The following TNKS1BP1 variants were observed in gnomAD, a reference collection of about 807,000 sequenced individuals.
The protein encoded by TNKS1BP1 is CCR4-NOT transcription complex subunit 12, also known as 182 kDa tankyrase-1-binding protein.
In TNKS1BP1, 48 loss-of-function variants were observed where a neutral mutation model predicts 141.1. The ratio of observed to expected loss-of-function variants is 0.34; its 90% CI spans 0.27 to 0.43. The LOEUF (loss-of-function observed/expected upper bound fraction) is 0.43. Among genes scored for constraint, TNKS1BP1 ranks in the 20% least tolerant of loss-of-function variants. The pLI is 1.00. For missense variants in TNKS1BP1, 2,149 were observed against 2,226.0 expected (o/e 0.97, Z 0.70); for synonymous variants, 875 against 898.2 (o/e 0.97, Z 0.46).
chr11:57,310,788 T>C (rs1382922322), intron 5 of TNKS1BP1, among the ~76,000 whole-genome samples: 1 of 152,138 alleles, frequency 6.6e-6, no homozygotes, highest in African/African-American at 2.4e-5. Flanking sequence ...ATGAGATCAT[T>C]TAGACCAAGC....
At chr11:57,304,238 G>GT (rs1222295930) in intron 6 of TNKS1BP1, among the ~76,000 whole-genome samples, 1 of 152,148 alleles carries the variant, frequency 6.6e-6, no homozygotes, top group Non-Finnish European at 1.5e-5. Context: ...CAGGAGGAGA[G>GT]TGGGGCAGGT....
rs758234725 is a variant in TNKS1BP1 at position 57,312,868 on chromosome 11, G to T, written c.1820C>A (p.Thr607Asn). 2 of 1,608,680 alleles carry T rather than the reference G, an allele frequency of 1.2e-6. No homozygotes were observed. Among genetic ancestry groups the T allele is most frequent in the Non-Finnish European group, 8.5e-7 (1 of 1,176,872 alleles). The change falls in exon 5 of 12, where the codon ACC (threonine) becomes AAC (asparagine). Residue 607 changes from threonine to asparagine, a missense_variant. By Grantham distance (65) the Thr-to-Asn change is moderately conservative. Coordinates refer to ENST00000358252, the MANE Select transcript of TNKS1BP1 (RefSeq NM_033396.3). ...AGQESPLPLA[T>N]REAALPILEP... is the part of the protein sequence containing the mutation. Reference sequence around the variant, plus strand: ...CAGGATGGGCAAGGCTGCCTCCCTGGTAGCCAGGGGGAGAGGGGACTCCTG... The same window carrying T: ...CAGGATGGGCAAGGCTGCCTCCCTGTTAGCCAGGGGGAGAGGGGACTCCTG...
In TNKS1BP1 at chr11:57,302,779, G is replaced by A. The variant is rs574992277; in HGVS notation, c.4363C>T (p.Leu1455=). The A allele has an allele frequency of 9.6e-6, 15 of 1,560,160 alleles. No individual in the cohort carries two copies. The African/African-American group carries it at 2.0e-4, about 21-fold the overall frequency. ...ARPPPSGSQG[L]LEEMLAASSS... is the part of the protein sequence containing the mutation. ...CTGGCTGCCAGCATCTCCTCCAGCA[G>A]GCCCTGGGAGCCGGAGGGTGGGGGG... The change falls in exon 7 of 12, where the codon CTG becomes TTG. Residue 1455 remains leucine (L), a synonymous_variant. Coordinates refer to ENST00000358252, the MANE Select transcript of TNKS1BP1 (RefSeq NM_033396.3). This position sits in a 1 kb window ranked among gnomAD's most constrained non-coding sequence, Gnocchi z 5.5.
At chr11:57,322,340 C>CGG (rs929387656) in intron 1 of TNKS1BP1, 30 of 986,866 alleles carry the variant, frequency 3.0e-5, no homozygotes, top group Non-Finnish European at 3.5e-5. Context: ...AATCACCTCA[C>CGG]GGGAGACGGG....
intron 5 of TNKS1BP1, chr11:57,311,321 C>G (rs1855705783): frequency 2.0e-6 from 2 of 985,688 alleles, no homozygotes; most frequent in Non-Finnish European, 2.4e-6. Flanking sequence ...AGCAGCCGCT[C>G]CAGGATAGAC....
In TNKS1BP1 at chr11:57,312,902, A is replaced by C; in HGVS notation, c.1786T>G (p.Leu596Val). 6 of 1,609,596 alleles carry C rather than the reference A, an allele frequency of 3.7e-6. No homozygotes were observed. Among genetic ancestry groups the C allele is most frequent in the Non-Finnish European group, 5.1e-6 (6 of 1,177,244 alleles). The change falls in exon 5 of 12, where the codon TTG becomes GTG. Residue 596 changes from leucine to valine, a missense_variant. Physicochemically the swap from Leu to Val is conservative, Grantham distance 32. Transcript: ENST00000358252. The part of the protein sequence containing the change: ...AEERYESQEP[L>V]AGQESPLPLA... The stretch of plus-strand genomic sequence containing the variant: ...GGGAGAGGGGACTCCTGTCCAGCCA[A>C]GGGCTCCTGCGACTCGTATCTCTCC...
chr11:57,317,027 T>G (rs1402553845), intron 4 of TNKS1BP1, among the ~76,000 whole-genome samples: 1 of 152,218 alleles, frequency 6.6e-6, no homozygotes, highest in Non-Finnish European at 1.5e-5. Flanking sequence ...CCAATGCCTT[T>G]GTACTTGCTG....
chr11:57,303,018 G>T, intron 6 of TNKS1BP1, 193 bp from the exon 7 acceptor site: 1 of 616,006 alleles, frequency 1.6e-6, no homozygotes, highest in Non-Finnish European at 2.5e-6. Flanking sequence ...AGCCAGTCTG[G>T]CAGGTTCAAA....
At chr11:57,324,786 C>T (rs71484442) in intron 1 of TNKS1BP1, 54 bp downstream of exon 1, 40,231 of 985,216 alleles carry the variant, frequency 0.041, 869 homozygotes, top group Non-Finnish European at 0.044. Context: ...GCCCCTCCCC[C>T]GCCCCATCCC....
chr11:57,324,613 C>T (rs1029343639), intron 1 of TNKS1BP1, among the ~76,000 whole-genome samples: 1 of 150,224 alleles, frequency 6.7e-6, no homozygotes, highest in Non-Finnish European at 1.5e-5. Context: ...TCTGCCAGCA[C>T]GAGCTCCAAG....
rs762092652 is a variant in TNKS1BP1, at chr11:57,308,607, G to A, written c.4104C>T (p.Gly1368=). The change falls in exon 6 of 12, where the codon GGC becomes GGT. Residue 1368 remains glycine (G), a synonymous_variant. Transcript: ENST00000358252. The part of the protein sequence containing the change: ...APSEAREHGV[G]GVSQCPEPGL... The stretch of plus-strand genomic sequence containing the variant: ...CGGGCTCTGGGCACTGGCTCACCCC[G>A]CCCACCCCATGCTCCCTGGCTTCAC... 1.4e-5 allele frequency: 21 copies of A among 1,470,552 alleles called. No homozygotes were observed. Among genetic ancestry groups the A allele is most frequent in the African/African-American group, 8.4e-5 (6 of 71,088 alleles). 91.1% of individuals were successfully genotyped at this position (1,470,552 alleles called of 1,614,324 possible).
intron 4 of TNKS1BP1, among the ~76,000 whole-genome samples, 155 bp from the exon 5 acceptor site, chr11:57,314,044 C>A (rs1158786382): frequency 6.6e-6 from 1 of 152,136 alleles, no homozygotes; most frequent in African/African-American, 2.4e-5. Flanking sequence ...CTGGGAGGGG[C>A]CCCACAGACG....
rs1357284700 is a variant in TNKS1BP1, at chr11:57,320,555, C to T, written c.252G>A (p.Leu84=). Residue 84 remains leucine (L), a synonymous_variant, in exon 3 of 12, where the codon CTG becomes CTA. Transcript: ENST00000358252. ...TGCCACCATAGGGCTGGGGTCCTGCCAGCATGTTCATCTTCCTGGCAGAAG... is the reference window on the plus strand; with the variant it reads ...TGCCACCATAGGGCTGGGGTCCTGCTAGCATGTTCATCTTCCTGGCAGAAG... ...ELPSARKMNM[L]AGPQPYGGSK... is the part of the protein sequence containing the mutation. The T allele has an allele frequency of 6.2e-7, 1 of 1,613,992 alleles. No homozygotes were observed. Among genetic ancestry groups the T allele is most frequent in the Non-Finnish European group, 8.5e-7 (1 of 1,180,012 alleles).
At position 57,302,094 on chromosome 11, in the gene TNKS1BP1, T is replaced by C. The variant is rs35272228; in HGVS notation, c.4814A>G (p.His1605Arg). The C allele has an allele frequency of 0.043, 69,707 of 1,613,684 alleles. 1,837 individuals carry two copies. The highest frequency in any genetic ancestry group is 0.047 in the South Asian group (4,311 of 91,078). The change falls in exon 8 of 12, where the codon CAC becomes CGC. Residue 1605 changes from histidine (H) to arginine (R), a missense_variant. By Grantham distance (29) the His-to-Arg change is conservative. Transcript: ENST00000358252. The surrounding 1 kb of genome is among the most constrained non-coding windows in gnomAD (Gnocchi z 5.5). ...CCTACCTGTAGAGTCCTGGAACAGGTGTGCATCCGAGTCTGCTGCCTCCGA... is the reference window on the plus strand; with the variant it reads ...CCTACCTGTAGAGTCCTGGAACAGGCGTGCATCCGAGTCTGCTGCCTCCGA... ...GLSEAADSDAHLFQDSTEPRA... is the reference protein window; with the variant it reads ...GLSEAADSDARLFQDSTEPRA...
At position 57,301,834 on chromosome 11, in the gene TNKS1BP1, A is replaced by G; in HGVS notation, c.4944T>C (p.Phe1648=). 1 of 1,614,154 alleles carries G rather than the reference A, an allele frequency of 6.2e-7. No individual in the cohort carries two copies. The highest frequency in any genetic ancestry group is 8.5e-7 in the Non-Finnish European group (1 of 1,180,016). The part of the protein sequence containing the change: ...LGTKGLKVNL[F]PGLSPSALKA... ...TCAGGGCTGAGGGGCTCAGGCCAGGAAAGAGGTTGACTTTCAGCCCCTTGG... is the reference window on the plus strand; with the variant it reads ...TCAGGGCTGAGGGGCTCAGGCCAGGGAAGAGGTTGACTTTCAGCCCCTTGG... Residue 1648 remains phenylalanine (F), a synonymous_variant, in exon 9 of 12, where the codon TTT becomes TTC. Transcript: ENST00000358252.
chr11:57,312,728 C>A lies in TNKS1BP1; in HGVS notation c.1960G>T (p.Ala654Ser). 1 of 1,580,696 alleles carries A rather than the reference C, an allele frequency of 6.3e-7. No individual in the cohort carries two copies. Among genetic ancestry groups the A allele is most frequent in the Non-Finnish European group, 8.6e-7 (1 of 1,161,380 alleles). ...CTGGCTTGGGTGGTCTCAGCCCGGGCTAGGGTCACGGCCTCCTCCTCAACA... is the reference window on the plus strand; with the variant it reads ...CTGGCTTGGGTGGTCTCAGCCCGGGATAGGGTCACGGCCTCCTCCTCAACA... ...LPVEEEAVTL[A>S]RAETTQARTE... The change falls in exon 5 of 12, where the codon GCC becomes TCC. Residue 654 changes from alanine to serine, a missense_variant. Coordinates refer to ENST00000358252, the MANE Select transcript of TNKS1BP1 (RefSeq NM_033396.3).
At position 57,309,099 on chromosome 11, in the gene TNKS1BP1, G is replaced by C. The variant is rs1431698148; in HGVS notation, c.3612C>G (p.Asn1204Lys). Residue 1204 changes from asparagine to lysine, a missense_variant, in exon 6 of 12, where the codon AAC becomes AAG. Coordinates refer to ENST00000358252, the MANE Select transcript of TNKS1BP1 (RefSeq NM_033396.3). The surrounding 1 kb of genome is among the most constrained non-coding windows in gnomAD (Gnocchi z 4.3). ...WSGGLSLRDM[N>K]LTGCLESGGS... ...CTCCACTTTCCAAACAGCCGGTCAG[G>C]TTCATGTCTCTCAAGCTCAGGCCAC... 1 of 1,613,952 alleles carries C rather than the reference G, an allele frequency of 6.2e-7. No homozygotes were observed. Among genetic ancestry groups the C allele is most frequent in the African/African-American group, 1.3e-5 (1 of 74,948 alleles).
rs778665446 is a variant in TNKS1BP1, at chr11:57,308,456, A to T, written c.4255T>A (p.Leu1419Met). The T allele has an allele frequency of 6.2e-7, 1 of 1,614,142 alleles. No homozygotes were observed. The highest frequency in any genetic ancestry group is 8.5e-7 in the Non-Finnish European group (1 of 1,180,018). The change falls in exon 6 of 12, where the codon TTG (leucine) becomes ATG (methionine). Residue 1419 changes from leucine (L) to methionine (M), a missense_variant. By Grantham distance (15) the Leu-to-Met change is conservative. Coordinates refer to ENST00000358252, the MANE Select transcript of TNKS1BP1 (RefSeq NM_033396.3). ...TQGEDYSSSS[L>M]EPHPADPGME... ...CCAGGGTCTGCAGGGTGTGGCTCCA[A>T]GGAAGACGAGGAGTAATCTTCACCC... is the stretch of plus-strand genomic sequence containing the variant.
At chr11:57,307,495 C>T (rs769592278) in intron 6 of TNKS1BP1, among the ~76,000 whole-genome samples, 4 of 152,070 alleles carry the variant, frequency 2.6e-5, no homozygotes, top group Non-Finnish European at 5.9e-5. Context: ...TCCCCAAGAC[C>T]ACCATGATAT....
Sources: allele counts gnomAD v4.1 joint callset (sites outside exome capture counted in the v4.1 genomes callset), GRCh38; gene constraint gnomAD v4.1.1; non-coding constraint Gnocchi (gnomAD v3.1); transcripts MANE v1.5; gene names NCBI Gene and HGNC (gene_info 2026-07-23, HGNC 2026-07-21).